CNTNAP2: variants seen among roughly 807,000 people sequenced by gnomAD.
The protein encoded by CNTNAP2 is contactin-associated protein-like 2.
Under a neutral mutation model 155.2 loss-of-function variants are expected in CNTNAP2, and 98 were observed. That is an observed-to-expected ratio of 0.63 (90% CI 0.54 to 0.75). CNTNAP2 has a LOEUF of 0.75. Among genes scored for constraint, CNTNAP2 ranks in the 30% least tolerant of loss-of-function variants. CNTNAP2 has a pLI of 0.00. For synonymous variants in CNTNAP2, 651 were observed against 631.2 expected, an observed-to-expected ratio of 1.03 and a Z score of -0.47; for missense variants, 1,727 against 1,688.1, an observed-to-expected ratio of 1.02 and a Z score of -0.40.
intron 16 of CNTNAP2, 83 bp from the exon 17 acceptor site, chr7:148,147,408 G>C: frequency 7.4e-7 from 1 of 1,355,734 alleles, no homozygotes; most frequent in South Asian, 1.2e-5. Context: ...TCCTCTCCCT[G>C]CTTTGTTTGT....
chr7:147,008,680 T>C (rs1798569314), intron 3 of CNTNAP2, among the ~76,000 whole-genome samples: 1 of 152,108 alleles, frequency 6.6e-6, no homozygotes, highest in Non-Finnish European at 1.5e-5. Flanking sequence ...AATAATTTTA[T>C]AGATAAGCAG....
chr7:147,469,579 C>A (rs532983969), intron 10 of CNTNAP2, among the ~76,000 whole-genome samples: 1 of 136,156 alleles, frequency 7.3e-6, no homozygotes, highest in African/African-American at 2.8e-5. Context: ...AGTGCAGTGG[C>A]GCGATCTCGG....
intron 9 of CNTNAP2, among the ~76,000 whole-genome samples, chr7:147,308,641 G>A (rs1795072282): frequency 6.6e-6 from 1 of 152,140 alleles, no homozygotes; most frequent in African/African-American, 2.4e-5. Flanking sequence ...ACTTCACTGT[G>A]TTTCCCTGAA....
intron 2 of CNTNAP2, among the ~76,000 whole-genome samples, chr7:146,823,376 T>G (rs369992058): frequency 1.2e-4 from 16 of 136,516 alleles, no homozygotes; most frequent in South Asian, 5.0e-4. Context: ...TATTTCCATG[T>G]AAATATACTC....
In CNTNAP2 at chr7:148,416,366, A is replaced by C. The variant is rs900079440; in HGVS notation, c.*750A>C. 2.6e-5 allele frequency: 4 copies of C among 152,272 alleles called. No individual in the cohort carries two copies. Among genetic ancestry groups the C allele is most frequent in the African/African-American group, 9.6e-5 (4 of 41,466 alleles). 9.4% of individuals were successfully genotyped at this position (152,272 alleles called of 1,614,324 possible). ...CAAGCTAATATTGTTCCACGTATGTAGTCTTAGACCAATAGCTGTAACTAT... is the reference window on the plus strand; with the variant it reads ...CAAGCTAATATTGTTCCACGTATGTCGTCTTAGACCAATAGCTGTAACTAT... On this transcript the variant is annotated 3_prime_UTR_variant, in exon 24 of 24. Coordinates refer to ENST00000361727, the MANE Select transcript of CNTNAP2 (RefSeq NM_014141.6).
chr7:148,046,234 T>C (rs538430365), intron 15 of CNTNAP2, among the ~76,000 whole-genome samples: 2 of 152,260 alleles, frequency 1.3e-5, no homozygotes, highest in East Asian at 1.9e-4. Flanking sequence ...TCGTGAGCCA[T>C]TGTGCCCAGC....
At chr7:147,336,014 C>T (rs1050585850) in intron 9 of CNTNAP2, among the ~76,000 whole-genome samples, 13 of 152,240 alleles carry the variant, frequency 8.5e-5, no homozygotes, top group African/African-American at 3.1e-4. Flanking sequence ...CAGAGAGAAT[C>T]TGACTGTGTA....
chr7:147,725,928 C>T (rs1796633791), intron 13 of CNTNAP2, among the ~76,000 whole-genome samples: 1 of 152,006 alleles, frequency 6.6e-6, no homozygotes, highest in Non-Finnish European at 1.5e-5. Flanking sequence ...AAGCTATATT[C>T]TTCCTGACTG....
intron 15 of CNTNAP2, among the ~76,000 whole-genome samples, chr7:148,094,918 C>A (rs1803930058): frequency 6.6e-6 from 1 of 152,146 alleles, no homozygotes; most frequent in African/African-American, 2.4e-5. Context: ...ATAAATGATA[C>A]ACAGAGAGAA....
chr7:148,086,308 A>T (rs1338765589), intron 15 of CNTNAP2, among the ~76,000 whole-genome samples: 3 of 152,214 alleles, frequency 2.0e-5, no homozygotes, highest in Non-Finnish European at 2.9e-5. Context: ...ATATACATTT[A>T]TTTAAACAAA....
chr7:146,370,223 A>G (rs1795214341), intron 1 of CNTNAP2, among the ~76,000 whole-genome samples: 1 of 148,470 alleles, frequency 6.7e-6, no homozygotes, highest in African/African-American at 2.5e-5. Context: ...GGAGTTCAAG[A>G]CAAGCCTGGC....
At chr7:146,912,182 G>A (rs1195727213) in intron 3 of CNTNAP2, among the ~76,000 whole-genome samples, 2 of 150,330 alleles carry the variant, frequency 1.3e-5, no homozygotes, top group African/African-American at 2.4e-5. Flanking sequence ...GTATTCGTCA[G>A]CATAAGGATG....
chr7:148,057,298 C>G (rs1803036716), intron 15 of CNTNAP2, among the ~76,000 whole-genome samples: 1 of 152,172 alleles, frequency 6.6e-6, no homozygotes, highest in Non-Finnish European at 1.5e-5. Flanking sequence ...TGTCCCAGGT[C>G]TCCATGAGGA....
intron 9 of CNTNAP2, among the ~76,000 whole-genome samples, chr7:147,334,392 G>T (rs1795629413): frequency 6.6e-6 from 1 of 152,172 alleles, no homozygotes; most frequent in African/African-American, 2.4e-5. Flanking sequence ...ACTGTTGACT[G>T]TAGTTCTTCC....
intron 21 of CNTNAP2, among the ~76,000 whole-genome samples, chr7:148,321,148 G>A (rs550736988): frequency 1.1e-4 from 16 of 152,288 alleles, no homozygotes; most frequent in Non-Finnish European, 1.6e-4. Flanking sequence ...GTGAAGCCAC[G>A]AAGAACCAGG....
At chr7:148,096,279 ATGTGTGTGTGTGTGTG>A (rs3056207) in intron 15 of CNTNAP2, among the ~76,000 whole-genome samples, 1 of 144,722 alleles carries the variant, frequency 6.9e-6, no homozygotes, top group Non-Finnish European at 1.5e-5. Flanking sequence ...GCATGCATGC[ATGTGTGTGTGTGTGTG>A]TGTGTGTGTG....
At chr7:147,782,387 G>A (rs1200662757) in intron 13 of CNTNAP2, among the ~76,000 whole-genome samples, 2 of 152,298 alleles carry the variant, frequency 1.3e-5, no homozygotes, top group East Asian at 1.9e-4. Flanking sequence ...CATTAGGGCT[G>A]CTACAACAAA....
At chr7:146,993,792 A>T (rs914715031) in intron 3 of CNTNAP2, among the ~76,000 whole-genome samples, 1 of 152,196 alleles carries the variant, frequency 6.6e-6, no homozygotes, top group Non-Finnish European at 1.5e-5. Flanking sequence ...GTCGTGCTAC[A>T]TATGACTATT....
chr7:147,516,563 A>G (rs1303477717), intron 11 of CNTNAP2, among the ~76,000 whole-genome samples: 1 of 152,104 alleles, frequency 6.6e-6, no homozygotes, highest in African/African-American at 2.4e-5. Flanking sequence ...ATGTATGTGC[A>G]ATAGTTTTTC....
Sources: gnomAD v4.1 joint callset for allele counts (sites outside exome capture counted in the v4.1 genomes callset) on GRCh38, gnomAD v4.1.1 for gene constraint, MANE v1.5 for transcripts, NCBI Gene and HGNC (gene_info 2026-07-23, HGNC 2026-07-21) for gene names.